The following LHFPL6 variants were observed in gnomAD, a reference collection of about 807,000 sequenced individuals.
LHFPL6 encodes the protein LHFPL tetraspan subfamily member 6 protein.
LHFPL6 carries 9 observed loss-of-function variants against 20.6 expected under a neutral mutation model. The ratio of observed to expected loss-of-function variants is 0.44; its 90% CI spans 0.26 to 0.76. The LOEUF is 0.76. LHFPL6 is among the 30% of genes least tolerant of loss of function. The pLI, the probability that LHFPL6 is intolerant of heterozygous loss-of-function variation, is 0.20. For synonymous variants in LHFPL6, 105 were observed against 98.7 expected, an observed-to-expected ratio of 1.06 and a Z score of -0.38; for missense variants, 218 against 253.5, an observed-to-expected ratio of 0.86 and a Z score of 0.95.
intron 3 of LHFPL6, among the ~76,000 whole-genome samples, chr13:39,354,390 C>T (rs1274657757): frequency 6.6e-6 from 1 of 152,062 alleles, no homozygotes; most frequent in African/African-American, 2.4e-5. Flanking sequence ...AAAGCCCCAC[C>T]CAAGCAACAA....
At chr13:39,502,336 T>C (rs966940755) in intron 2 of LHFPL6, among the ~76,000 whole-genome samples, 4 of 152,066 alleles carry the variant, frequency 2.6e-5, no homozygotes, top group Non-Finnish European at 5.9e-5. Context: ...ATACACATTT[T>C]GGCCAGGCAC....
intron 2 of LHFPL6, among the ~76,000 whole-genome samples, chr13:39,553,817 G>A (rs1242196748): frequency 6.6e-6 from 1 of 152,186 alleles, no homozygotes; most frequent in Non-Finnish European, 1.5e-5. Context: ...GAAACAGATA[G>A]TGGAACATCA....
intron 2 of LHFPL6, among the ~76,000 whole-genome samples, chr13:39,510,378 G>A (rs1442705891): frequency 6.6e-6 from 1 of 152,126 alleles, no homozygotes; most frequent in East Asian, 1.9e-4. Context: ...TTTTGCCCTG[G>A]GGCAAACTGA....
intron 2 of LHFPL6, among the ~76,000 whole-genome samples, chr13:39,516,126 T>A (rs2138480531): frequency 6.6e-6 from 1 of 152,352 alleles, no homozygotes; most frequent in South Asian, 2.1e-4. Context: ...AATAGTCTCC[T>A]AGCTGGATTT....
rs146838841 is a variant in LHFPL6 at position 39,571,524 on chromosome 13, C to T, written c.385+29308G>A. ...TTCTCTTCCCCTCTCCAGCTGAGAA[C>T]TGTTTTCATCACTCAATAAAACTAC... On this transcript the variant is annotated intron_variant, in intron 2 of 3. Coordinates refer to ENST00000379589, the MANE Select transcript of LHFPL6 (RefSeq NM_005780.3). Among the ~76,000 whole-genome samples, 3 of 152,346 alleles carry T rather than the reference C, an allele frequency of 2.0e-5. 1 individual carries two copies. The highest frequency in any genetic ancestry group is 7.2e-5 in the African/African-American group (3 of 41,586).
intron 2 of LHFPL6, among the ~76,000 whole-genome samples, chr13:39,444,261 A>C (rs370967601): frequency 5.9e-5 from 9 of 152,238 alleles, no homozygotes; most frequent in Non-Finnish European, 1.2e-4. Context: ...ATGATATAAA[A>C]ATGGAATTTA....
At chr13:39,436,526 T>C (rs73175115) in intron 2 of LHFPL6, among the ~76,000 whole-genome samples, 22,790 of 152,180 alleles carry the variant, frequency 0.15, 1,800 homozygotes, top group South Asian at 0.22. Context: ...CCTGCTCTGA[T>C]GGCAATTCTT....
At chr13:39,494,296 G>A (rs563773735) in intron 2 of LHFPL6, among the ~76,000 whole-genome samples, 1 of 152,348 alleles carries the variant, frequency 6.6e-6, no homozygotes, top group Non-Finnish European at 1.5e-5. Context: ...AAGGCACTGT[G>A]CTAAGCAGTT....
intron 2 of LHFPL6, among the ~76,000 whole-genome samples, chr13:39,538,793 T>G (rs1009799507): frequency 2.0e-5 from 3 of 152,156 alleles, no homozygotes; most frequent in African/African-American, 7.2e-5. Flanking sequence ...AACATTATTT[T>G]TGAGATATTC....
chr13:39,479,596 T>C (rs1051854352), intron 2 of LHFPL6, among the ~76,000 whole-genome samples: 2 of 152,166 alleles, frequency 1.3e-5, no homozygotes, highest in African/African-American at 2.4e-5. Flanking sequence ...AATTGATACT[T>C]ACCAGATTTT....
intron 3 of LHFPL6, among the ~76,000 whole-genome samples, chr13:39,355,693 T>C (rs1414757722): frequency 6.6e-6 from 1 of 152,154 alleles, no homozygotes; most frequent in African/African-American, 2.4e-5. Context: ...GGAAGAAAGA[T>C]GTATTGTGCA....
At chr13:39,380,533 C>G (rs1870411403) in intron 2 of LHFPL6, among the ~76,000 whole-genome samples, 1 of 143,980 alleles carries the variant, frequency 6.9e-6, no homozygotes, top group African/African-American at 2.6e-5. Flanking sequence ...TTTTTTGAGA[C>G]AGAGTCTCGC....
intron 2 of LHFPL6, among the ~76,000 whole-genome samples, chr13:39,543,478 T>C (rs1313379631): frequency 1.3e-5 from 2 of 152,170 alleles, no homozygotes; most frequent in Non-Finnish European, 2.9e-5. Context: ...TTAACAGCCG[T>C]TTATTAGTGC....
At chr13:39,597,039 C>T (rs1479256789) in intron 2 of LHFPL6, among the ~76,000 whole-genome samples, 1 of 152,218 alleles carries the variant, frequency 6.6e-6, no homozygotes, top group Non-Finnish European at 1.5e-5. Flanking sequence ...GACATCATTA[C>T]TGTCTTCAGC....
chr13:39,429,058 C>T (rs1339001812), intron 2 of LHFPL6, among the ~76,000 whole-genome samples: 1 of 152,064 alleles, frequency 6.6e-6, no homozygotes, highest in South Asian at 2.1e-4. Context: ...TTTACTGAGA[C>T]TTGTTTTATC....
intron 2 of LHFPL6, among the ~76,000 whole-genome samples, chr13:39,439,599 A>G (rs539313406): frequency 1.6e-4 from 25 of 152,266 alleles, no homozygotes; most frequent in African/African-American, 5.8e-4. Flanking sequence ...CAAATTATAA[A>G]TCTCAATGTT....
At chr13:39,388,220 A>G (rs1057381189) in intron 2 of LHFPL6, among the ~76,000 whole-genome samples, 1 of 152,222 alleles carries the variant, frequency 6.6e-6, no homozygotes, top group African/African-American at 2.4e-5. Context: ...TTTCCTTAAA[A>G]TGTTTTTCAA....
At chr13:39,508,027 T>TG (rs565566457) in intron 2 of LHFPL6, among the ~76,000 whole-genome samples, 2 of 137,158 alleles carry the variant, frequency 1.5e-5, no homozygotes, top group African/African-American at 6.1e-5. Flanking sequence ...TGTAATTTAC[T>TG]TTTTTTTTTT....
intron 2 of LHFPL6, among the ~76,000 whole-genome samples, chr13:39,380,508 C>T (rs1401442079): frequency 6.8e-6 from 1 of 146,742 alleles, no homozygotes; most frequent in African/African-American, 2.5e-5. Context: ...GTGGTGGCAT[C>T]AGTTTTTTTT....
Sources: allele counts gnomAD v4.1 joint callset (sites outside exome capture counted in the v4.1 genomes callset), GRCh38; gene constraint gnomAD v4.1.1; transcripts MANE v1.5; gene names NCBI Gene and HGNC (gene_info 2026-07-23, HGNC 2026-07-21).